Variants in RHBDD1 observed in about 807,000 individuals in gnomAD.
RHBDD1 encodes rhomboid domain containing 1.
In RHBDD1, 38 loss-of-function variants were observed where a neutral mutation model predicts 36.3. The ratio of observed to expected loss-of-function variants is 1.05; its 90% confidence interval spans 0.81 to 1.37. The LOEUF is 1.37. Among genes scored for constraint, RHBDD1 ranks in the 40% most tolerant of loss-of-function variants. The probability of loss-of-function intolerance (pLI) is 0.00; values close to 1 mark genes in which losing one functional copy is unlikely to be tolerated. For missense variants in RHBDD1, 393 were observed against 377.6 expected, an observed-to-expected ratio of 1.04 and a Z score of -0.34; for synonymous variants, 151 against 136.5, an observed-to-expected ratio of 1.11 and a Z score of -0.74.
chr2:226,893,011 C>A (rs951049487), intron 5 of RHBDD1, among the ~76,000 whole-genome samples: 2 of 152,184 alleles, frequency 1.3e-5, no homozygotes, highest in Non-Finnish European at 2.9e-5. Flanking sequence ...GCAGTGCATT[C>A]ATTCATGTTA....
chr2:226,975,286 AACAC>A (rs373568209), intron 8 of RHBDD1, among the ~76,000 whole-genome samples: 6 of 151,686 alleles, frequency 4.0e-5, no homozygotes, highest in Non-Finnish European at 7.4e-5. Flanking sequence ...TACACACACA[AACAC>A]ACACACACAC....
At chr2:226,947,809 T>C (rs1424847108) in intron 8 of RHBDD1, among the ~76,000 whole-genome samples, 2 of 151,936 alleles carry the variant, frequency 1.3e-5, no homozygotes, top group African/African-American at 2.4e-5. Context: ...AAAAAACACA[T>C]GAAAAAATGC....
the RHBDD1 span, chr2:226,804,171 A>G: frequency 1.8e-4 from 27 of 152,306 alleles, no homozygotes; most frequent in African/African-American, 6.3e-4. Context: ...TCTTTCTGGT[A>G]AGCATGAAGA....
At chr2:226,935,133 T>G (rs1950257966) in intron 8 of RHBDD1, 3 of 152,132 alleles carry the variant, frequency 2.0e-5, no homozygotes. Context: ...GTAGCATATA[T>G]GAAACTATGG....
intron 8 of RHBDD1, among the ~76,000 whole-genome samples, chr2:226,929,445 C>G (rs961574594): frequency 6.6e-6 from 1 of 152,036 alleles, no homozygotes; most frequent in Non-Finnish European, 1.5e-5. Flanking sequence ...TGCTAAAGTC[C>G]AGCATCCATT....
chr2:226,954,364 A>G (rs1432477779), intron 8 of RHBDD1, among the ~76,000 whole-genome samples: 2 of 152,184 alleles, frequency 1.3e-5, no homozygotes, highest in Non-Finnish European at 2.9e-5. Context: ...ACTATGATCA[A>G]GAGAATGTGC....
chr2:226,898,671 A>G (rs776466386), intron 5 of RHBDD1, among the ~76,000 whole-genome samples: 1 of 152,210 alleles, frequency 6.6e-6, no homozygotes, highest in African/African-American at 2.4e-5. Context: ...AGAAGAAGCA[A>G]TCCTGTCAGA....
chr2:226,882,576 A>T (rs1051966631), intron 5 of RHBDD1, among the ~76,000 whole-genome samples: 3 of 151,852 alleles, frequency 2.0e-5, no homozygotes, highest in African/African-American at 7.3e-5. Context: ...AACTGGACTT[A>T]GATTGGCAGA....
At chr2:226,805,997 T>C in the RHBDD1 span, among the ~76,000 whole-genome samples, 1 of 152,204 alleles carries the variant, frequency 6.6e-6, no homozygotes, top group Non-Finnish European at 1.5e-5. Context: ...TTGATTTCAC[T>C]AACAAAGAAT....
At chr2:226,984,911 G>T (rs1251382621) in intron 8 of RHBDD1, among the ~76,000 whole-genome samples, 4 of 137,690 alleles carry the variant, frequency 2.9e-5, no homozygotes, top group African/African-American at 1.1e-4. Context: ...CCCTTCTGAT[G>T]CTCTCCTGGG....
intron 8 of RHBDD1, among the ~76,000 whole-genome samples, chr2:226,982,964 T>G (rs1388126514): frequency 6.6e-6 from 1 of 152,198 alleles, no homozygotes; most frequent in South Asian, 2.1e-4. Flanking sequence ...TCTTTTAAAA[T>G]CTACATCATC....
chr2:226,895,994 A>G (rs148375233), intron 5 of RHBDD1, among the ~76,000 whole-genome samples: 99 of 152,300 alleles, frequency 6.5e-4, no homozygotes, highest in African/African-American at 2.2e-3. Context: ...AATATTTTTT[A>G]TGTATTTCCT....
At chr2:226,815,699 G>GT in the RHBDD1 span, among the ~76,000 whole-genome samples, 2 of 151,888 alleles carry the variant, frequency 1.3e-5, no homozygotes, top group African/African-American at 4.8e-5. Flanking sequence ...TTTCTGATAA[G>GT]TGTGTACTCT....
At chr2:226,891,849 G>T (rs997623739) in intron 5 of RHBDD1, among the ~76,000 whole-genome samples, 2 of 152,212 alleles carry the variant, frequency 1.3e-5, no homozygotes, top group Admixed American at 6.5e-5. Flanking sequence ...CTGGCAGGAT[G>T]CTTGTTGCCA....
intron 3 of RHBDD1, among the ~76,000 whole-genome samples, chr2:226,852,601 C>G (rs1052347213): frequency 6.6e-6 from 1 of 152,086 alleles, no homozygotes; most frequent in African/African-American, 2.4e-5. Flanking sequence ...TGTCACACTT[C>G]CAGCCTGCAG....
chr2:226,992,874 C>T (rs1958572109), intron 8 of RHBDD1, among the ~76,000 whole-genome samples: 1 of 152,196 alleles, frequency 6.6e-6, no homozygotes, highest in African/African-American at 2.4e-5. Context: ...AGATGTGTCC[C>T]TAACACCTTC....
intron 5 of RHBDD1, among the ~76,000 whole-genome samples, chr2:226,897,321 T>G (rs986404034): frequency 6.6e-6 from 1 of 152,006 alleles, no homozygotes; most frequent in Non-Finnish European, 1.5e-5. Context: ...TCTGTCTGTC[T>G]GTCTGTCTGT....
chr2:226,964,412 T>G (rs912710188), intron 8 of RHBDD1, among the ~76,000 whole-genome samples: 1 of 152,206 alleles, frequency 6.6e-6, no homozygotes, highest in Non-Finnish European at 1.5e-5. Context: ...TGTCACACTT[T>G]CCTGGCTTTC....
chr2:226,882,430 C>CAAAAAAAAAAAAAAAAAAAAA (rs58149634), intron 5 of RHBDD1, among the ~76,000 whole-genome samples: 2 of 57,100 alleles, frequency 3.5e-5, no homozygotes, highest in Non-Finnish European at 7.5e-5. Context: ...GACTTTGCCT[C>CAAAAAAAAAAAAAAAAAAAAA]AAAAAAAAAA....
Sources: allele counts gnomAD v4.1 joint callset (sites outside exome capture counted in the v4.1 genomes callset), GRCh38; gene constraint gnomAD v4.1.1; transcripts MANE v1.5; gene names NCBI Gene and HGNC (gene_info 2026-07-23, HGNC 2026-07-21).